Variants in GPR141 observed in about 807,000 individuals in gnomAD.
GPR141 encodes G protein-coupled receptor 141.
A neutral mutation model predicts 6.8 loss-of-function variants in GPR141; 6 were observed. The observed-to-expected ratio is 0.88, with a 90% CI of 0.48 to 1.74. GPR141 has a LOEUF of 1.74. GPR141 is among the 40% of genes most tolerant of loss of function. The probability of loss-of-function intolerance (pLI) is 0.01; values close to 1 mark genes in which losing one functional copy is unlikely to be tolerated. For missense variants in GPR141, 372 were observed against 372.9 expected, an observed-to-expected ratio of 1.00 and a Z score of 0.02; for synonymous variants, 140 against 142.3, an observed-to-expected ratio of 0.98 and a Z score of 0.11.
chr7:37,738,244 G>A (rs2718037), intron 2 of GPR141, among the ~76,000 whole-genome samples: 9 of 152,138 alleles, frequency 5.9e-5, no homozygotes, highest in African/African-American at 1.4e-4. Flanking sequence ...CTGAAACATC[G>A]AAGATGTGTT....
intron 2 of GPR141, among the ~76,000 whole-genome samples, chr7:37,710,184 AT>A (rs2131783837): frequency 6.6e-6 from 1 of 151,598 alleles, no homozygotes; most frequent in South Asian, 2.1e-4. Context: ...TATTGTTTGG[AT>A]TTTTTTTCTT....
At chr7:37,722,364 G>A (rs980764850) in intron 2 of GPR141, among the ~76,000 whole-genome samples, 35 of 151,878 alleles carry the variant, frequency 2.3e-4, no homozygotes, top group Admixed American at 1.9e-3. Flanking sequence ...GTTGAGGCAG[G>A]AGGATGACTT....
At chr7:37,712,371 G>A (rs533842084) in intron 2 of GPR141, among the ~76,000 whole-genome samples, 1 of 152,298 alleles carries the variant, frequency 6.6e-6, no homozygotes, top group Admixed American at 6.5e-5. Context: ...GGGACCCAGG[G>A]TGTGTATGTC....
At chr7:37,699,447 C>T (rs991666639) in intron 2 of GPR141, among the ~76,000 whole-genome samples, 1 of 152,078 alleles carries the variant, frequency 6.6e-6, no homozygotes, top group Non-Finnish European at 1.5e-5. Flanking sequence ...TGTAGTCCCA[C>T]CTACTCGGGA....
At position 37,723,929 on chromosome 7, in the gene GPR141, C is replaced by T. The variant is rs372799408; in HGVS notation, c.-14-16451C>T. 5.3e-5 allele frequency among the ~76,000 whole-genome samples: 8 copies of T among 152,336 alleles called. No individual in the cohort carries two copies. In the East Asian group the frequency reaches 1.5e-3, roughly 29 times the overall value. On this transcript the variant is annotated intron_variant, in intron 2 of 2. Transcript: ENST00000334425. ...CATTCACAAAGATCAGAATTCATAGCACATTTCAATATCTGCAGACCTACA... is the reference window on the plus strand; with the variant it reads ...CATTCACAAAGATCAGAATTCATAGTACATTTCAATATCTGCAGACCTACA...
In GPR141 at chr7:37,699,911, A is replaced by T. The variant is rs547331074; in HGVS notation, c.-15+14328A>T. Among the ~76,000 whole-genome samples the T allele has an allele frequency of 7.1e-4, 108 of 152,350 alleles. 1 individual carries two copies. Among genetic ancestry groups the T allele is most frequent in the African/African-American group, 2.5e-3 (106 of 41,574 alleles). On this transcript the variant is annotated intron_variant, in intron 2 of 2. Coordinates refer to ENST00000334425, the MANE Select transcript of GPR141 (RefSeq NM_001381946.1). ...CATGCCATTTGCTTTTTCCATCTGT[A>T]TAGTGACAACTGGATCTTGTGAGGC...
At chr7:37,735,981 G>A (rs1418394881) in intron 2 of GPR141, among the ~76,000 whole-genome samples, 2 of 152,128 alleles carry the variant, frequency 1.3e-5, no homozygotes, top group East Asian at 1.9e-4. Context: ...TATCCAGGCC[G>A]GGCATGATAG....
Position 37,741,570 on chromosome 7 carries a change from G to C in GPR141, c.*259G>C, listed in dbSNP as rs1470720128. ...CATTATTTTCCAGTACAGAATGTCT[G>C]TGTGGCCCATGAAAGCAACATAGGT... On this transcript the variant is annotated 3_prime_UTR_variant, in exon 3 of 3. Coordinates refer to ENST00000334425, the MANE Select transcript of GPR141 (RefSeq NM_001381946.1). 1.3e-5 allele frequency among the ~76,000 whole-genome samples: 2 copies of C among 152,176 alleles called. No individual in the cohort carries two copies. Among genetic ancestry groups the C allele is most frequent in the Non-Finnish European group, 2.9e-5 (2 of 68,030 alleles).
At chr7:37,714,787 G>A (rs960953437) in intron 2 of GPR141, among the ~76,000 whole-genome samples, 2 of 152,090 alleles carry the variant, frequency 1.3e-5, no homozygotes, top group African/African-American at 2.4e-5. Context: ...GCACTGTTAC[G>A]CCATGGCAGT....
intron 2 of GPR141, among the ~76,000 whole-genome samples, chr7:37,716,412 A>AT (rs1198731199): frequency 2.6e-5 from 4 of 152,182 alleles, no homozygotes; most frequent in Non-Finnish European, 4.4e-5. Context: ...TTAGAGCTAG[A>AT]AGGGGTACTT....
At chr7:37,733,262 T>G (rs1812063733) in intron 2 of GPR141, among the ~76,000 whole-genome samples, 1 of 152,066 alleles carries the variant, frequency 6.6e-6, no homozygotes, top group Non-Finnish European at 1.5e-5. Context: ...ACAGCTTGGG[T>G]CCTAGGTTTT....
chr7:37,708,750 G>A (rs937951814), intron 2 of GPR141, among the ~76,000 whole-genome samples: 4 of 152,110 alleles, frequency 2.6e-5, no homozygotes, highest in Admixed American at 6.6e-5. Flanking sequence ...AGGTATCAAA[G>A]CTCAAATGCT....
At chr7:37,688,468 A>G (rs1809612474) in intron 2 of GPR141, among the ~76,000 whole-genome samples, 1 of 152,082 alleles carries the variant, frequency 6.6e-6, no homozygotes, top group African/African-American at 2.4e-5. Flanking sequence ...ATAAAATTAC[A>G]ATGTAGTAAA....
At chr7:37,703,066 C>A (rs1053642166) in intron 2 of GPR141, among the ~76,000 whole-genome samples, 2 of 151,774 alleles carry the variant, frequency 1.3e-5, no homozygotes, top group Admixed American at 1.3e-4. Context: ...AAGGGTAAAC[C>A]GGTAGTATTA....
At chr7:37,691,116 T>A (rs1215072383) in intron 2 of GPR141, among the ~76,000 whole-genome samples, 2 of 152,164 alleles carry the variant, frequency 1.3e-5, no homozygotes, top group Non-Finnish European at 2.9e-5. Context: ...TTTATCTGTA[T>A]AAGTATAGTT....
chr7:37,690,749 T>C (rs918287739), intron 2 of GPR141, among the ~76,000 whole-genome samples: 4 of 152,156 alleles, frequency 2.6e-5, no homozygotes, highest in African/African-American at 9.6e-5. Context: ...TCCTGAAGAA[T>C]GTTTCATGTG....
intron 2 of GPR141, among the ~76,000 whole-genome samples, chr7:37,737,299 C>T (rs919299878): frequency 6.6e-6 from 1 of 152,050 alleles, no homozygotes; most frequent in African/African-American, 2.4e-5. Context: ...TTCTTTGATA[C>T]AGTATAACAA....
chr7:37,704,741 A>G (rs1375769067), intron 2 of GPR141, among the ~76,000 whole-genome samples: 4 of 152,142 alleles, frequency 2.6e-5, no homozygotes, highest in African/African-American at 9.7e-5. Flanking sequence ...GAAAGATCTA[A>G]GTCTCCAGCA....
intron 2 of GPR141, among the ~76,000 whole-genome samples, chr7:37,703,604 C>T (rs1257723590): frequency 2.0e-5 from 3 of 152,060 alleles, no homozygotes; most frequent in Non-Finnish European, 4.4e-5. Context: ...GAAATGATGC[C>T]TTTAACTCTT....
Sources: allele counts gnomAD v4.1 joint callset (sites outside exome capture counted in the v4.1 genomes callset), GRCh38; gene constraint gnomAD v4.1.1; transcripts MANE v1.5; gene names NCBI Gene and HGNC (gene_info 2026-07-23, HGNC 2026-07-21).